GASK1A: variants seen among roughly 807,000 people sequenced by gnomAD.
The protein encoded by GASK1A is golgi associated kinase 1A.
In GASK1A, 40 loss-of-function variants were observed where a neutral mutation model predicts 41.2. The observed-to-expected ratio is 0.97, with a 90% CI of 0.75 to 1.27. GASK1A has a LOEUF of 1.27. GASK1A is among the 50% of genes most tolerant of loss of function. The probability of loss-of-function intolerance (pLI) is 0.00; values close to 1 mark genes in which losing one functional copy is unlikely to be tolerated. For synonymous variants in GASK1A, 316 were observed against 307.1 expected, an observed-to-expected ratio of 1.03 and a Z score of -0.30; for missense variants, 678 against 745.1, an observed-to-expected ratio of 0.91 and a Z score of 1.05.
intron 1 of GASK1A, among the ~76,000 whole-genome samples, chr3:43,018,070 G>A (rs559686452): frequency 6.6e-6 from 1 of 152,336 alleles, no homozygotes; most frequent in African/African-American, 2.4e-5. Flanking sequence ...TGGAAGGGCT[G>A]TGTGAAGTTA....
chr3:43,027,535 T>C (rs2089552388), intron 1 of GASK1A, among the ~76,000 whole-genome samples: 1 of 151,930 alleles, frequency 6.6e-6, no homozygotes, highest in South Asian at 2.1e-4. Context: ...AAGATAATAC[T>C]AGTTATGAAA....
chr3:43,038,021 A>G (rs1453063529), intron 2 of GASK1A, among the ~76,000 whole-genome samples: 2 of 152,272 alleles, frequency 1.3e-5, no homozygotes, highest in African/African-American at 4.8e-5. Flanking sequence ...AAAAAATTAT[A>G]GAGTAATATT....
chr3:42,981,543 G>A (rs548410352), intron 1 of GASK1A, among the ~76,000 whole-genome samples: 1 of 152,152 alleles, frequency 6.6e-6, no homozygotes, highest in Admixed American at 6.5e-5. Flanking sequence ...AACTAAAAAG[G>A]TGTGGGGAAG....
At chr3:43,000,380 A>T (rs1373597613) in intron 1 of GASK1A, among the ~76,000 whole-genome samples, 1 of 152,256 alleles carries the variant, frequency 6.6e-6, no homozygotes, top group Non-Finnish European at 1.5e-5. Flanking sequence ...TTGTGGACAG[A>T]CAGCCACAGA....
At chr3:43,005,826 CA>C (rs1278374527) in intron 1 of GASK1A, among the ~76,000 whole-genome samples, 1 of 152,140 alleles carries the variant, frequency 6.6e-6, no homozygotes, top group African/African-American at 2.4e-5. Context: ...AAGTTACAGC[CA>C]AAGTGTGTGA....
intron 1 of GASK1A, among the ~76,000 whole-genome samples, chr3:43,029,688 T>C (rs2089565097): frequency 6.6e-6 from 1 of 152,132 alleles, no homozygotes; most frequent in Non-Finnish European, 1.5e-5. Context: ...GCTGGCCTCA[T>C]GTCCAGGAGG....
intron 3 of GASK1A, among the ~76,000 whole-genome samples, chr3:43,054,525 C>T (rs1299261838): frequency 1.3e-5 from 2 of 152,058 alleles, no homozygotes; most frequent in Admixed American, 1.3e-4. Context: ...AAAGGTGATC[C>T]TGACATGTGG....
In GASK1A at chr3:43,033,380, C is replaced by T. The variant is rs2089589621; in HGVS notation, c.1117C>T (p.Pro373Ser). Reference protein sequence around the residue: ...GGARPVIWWAPDVQHLSDPDE... With the variant: ...GGARPVIWWASDVQHLSDPDE... ...AGCAAGGCCTGTCATCTGGTGGGCA[C>T]CCGATGTGCAGCACCTGAGCGACCC... The change falls in exon 2 of 5, where the codon CCC (proline) becomes TCC (serine). Residue 373 changes from proline to serine, a missense_variant. By Grantham distance (74) the Pro-to-Ser change is moderately conservative. Transcript: ENST00000430121. 1 of 1,551,412 alleles carries T rather than the reference C, an allele frequency of 6.4e-7. No individual in the cohort carries two copies. Among genetic ancestry groups the T allele is most frequent in the Non-Finnish European group, 8.7e-7 (1 of 1,146,952 alleles).
intron 2 of GASK1A, among the ~76,000 whole-genome samples, chr3:43,050,856 G>C (rs191003664): frequency 1.3e-5 from 2 of 151,812 alleles, no homozygotes; most frequent in Admixed American, 1.3e-4. Flanking sequence ...ATTTATATTT[G>C]GTTTCTCTTT....
chr3:43,026,745 G>A (rs1466428433), intron 1 of GASK1A, among the ~76,000 whole-genome samples: 2 of 152,106 alleles, frequency 1.3e-5, no homozygotes, highest in Non-Finnish European at 2.9e-5. Context: ...GGATTAAAGA[G>A]AAGGTAAGAA....
In GASK1A at chr3:43,033,016, G is replaced by A. The variant is rs1416825103; in HGVS notation, c.753G>A (p.Ser251=). Residue 251 remains serine, a synonymous_variant, in exon 2 of 5, where the codon TCG becomes TCA. Transcript: ENST00000430121. ...WCDAETLLSS[S]RTGGQAPPWL... ...ATGCTGAGACGCTGTTGAGCAGCTC[G>A]AGGACTGGTGGGCAGGCTCCCCCAT... The A allele has an allele frequency of 3.2e-6, 5 of 1,551,664 alleles. No individual in the cohort carries two copies. The highest frequency in any genetic ancestry group is 4.4e-6 in the Non-Finnish European group (5 of 1,146,970).
chr3:43,025,245 A>C (rs1424215882), intron 1 of GASK1A, among the ~76,000 whole-genome samples: 1 of 152,184 alleles, frequency 6.6e-6, no homozygotes, highest in African/African-American at 2.4e-5. Context: ...CAGAGGGTCT[A>C]ATGAGAAACG....
At chr3:43,028,039 C>G (rs1266726875) in intron 1 of GASK1A, among the ~76,000 whole-genome samples, 1 of 152,186 alleles carries the variant, frequency 6.6e-6, no homozygotes, top group Non-Finnish European at 1.5e-5. Flanking sequence ...CAAAGATTCT[C>G]TGATTGGTAA....
In GASK1A at chr3:43,032,330, A is replaced by T; in HGVS notation, c.67A>T (p.Met23Leu). 6.4e-7 allele frequency: 1 copy of T among 1,550,576 alleles called. No homozygotes were observed. The highest frequency in any genetic ancestry group is 8.7e-7 in the Non-Finnish European group (1 of 1,146,248). The change falls in exon 2 of 5, where the codon ATG becomes TTG. Residue 23 changes from methionine to leucine, a missense_variant. Transcript: ENST00000430121. ...GCCAGTGATAGCGTTCTGCCTCTTGATGATCCTATCTGCGATGGCTGTCAC... is the reference window on the plus strand; with the variant it reads ...GCCAGTGATAGCGTTCTGCCTCTTGTTGATCCTATCTGCGATGGCTGTCAC... ...RRPVIAFCLL[M>L]ILSAMAVTRF...
rs57795561 is a variant in GASK1A at position 43,011,142 on chromosome 3, G to T, written c.4-21125G>T. Reference sequence around the variant, plus strand: ...CTCACGCCTGTAATCCCAACACTTTGGGAGGCCGAGGTGGGCAGATCACGA... The same window carrying T: ...CTCACGCCTGTAATCCCAACACTTTTGGAGGCCGAGGTGGGCAGATCACGA... On this transcript the variant is annotated intron_variant, in intron 1 of 4. Coordinates refer to ENST00000430121, the MANE Select transcript of GASK1A (RefSeq NM_001129908.3). 1.1e-3 allele frequency among the ~76,000 whole-genome samples: 166 copies of T among 152,310 alleles called. 3 individuals are homozygous for T. In the East Asian group the frequency reaches 0.03, roughly 27 times the overall value.
At chr3:43,049,705 C>CAG (rs2307817) in intron 2 of GASK1A, among the ~76,000 whole-genome samples, 86,887 of 151,828 alleles carry the variant, frequency 0.57, 25,228 homozygotes, top group Admixed American at 0.65. Flanking sequence ...CTGTATAAAA[C>CAG]AGAAAATAAT....
At chr3:43,002,851 A>G (rs2089417168) in intron 1 of GASK1A, among the ~76,000 whole-genome samples, 1 of 152,174 alleles carries the variant, frequency 6.6e-6, no homozygotes, top group Admixed American at 6.5e-5. Context: ...CTGAGTGAGG[A>G]AAACATTGGT....
intron 1 of GASK1A, among the ~76,000 whole-genome samples, chr3:42,982,464 A>C (rs569405117): frequency 6.6e-6 from 1 of 152,242 alleles, no homozygotes; most frequent in Admixed American, 6.5e-5. Flanking sequence ...TTCACCACAC[A>C]TGGAATTTTG....
chr3:42,998,308 G>T (rs965112951), intron 1 of GASK1A, among the ~76,000 whole-genome samples: 8 of 152,232 alleles, frequency 5.3e-5, no homozygotes, highest in Non-Finnish European at 1.2e-4. Flanking sequence ...AGGTGGTGGG[G>T]GCAGGGCAAG....
Sources: gnomAD v4.1 joint callset for allele counts (sites outside exome capture counted in the v4.1 genomes callset) on GRCh38, gnomAD v4.1.1 for gene constraint, MANE v1.5 for transcripts, NCBI Gene and HGNC (gene_info 2026-07-23, HGNC 2026-07-21) for gene names.